The following PCSK2 variants were observed in gnomAD, a reference collection of about 807,000 sequenced individuals.
PCSK2 encodes proprotein convertase subtilisin/kexin type 2, also known as neuroendocrine convertase 2.
Under a neutral mutation model 69.7 loss-of-function variants are expected in PCSK2, and 14 were observed. The observed-to-expected ratio is 0.20, with a 90% CI of 0.13 to 0.31. The LOEUF (loss-of-function observed/expected upper bound fraction) is 0.31. Among genes scored for constraint, PCSK2 ranks in the 10% least tolerant of loss-of-function variants. The pLI is 1.00. For synonymous variants in PCSK2, 307 were observed against 320.7 expected (o/e 0.96, Z 0.46); for missense variants, 544 against 842.5 (o/e 0.65, Z 4.39).
chr20:17,329,935 A>G (rs1990167900), intron 2 of PCSK2, among the ~76,000 whole-genome samples: 1 of 152,232 alleles, frequency 6.6e-6, no homozygotes, highest in African/African-American at 2.4e-5. Context: ...TTTATAACAG[A>G]ACTGGCCAAT....
chr20:17,417,307 A>G (rs1462780283), intron 6 of PCSK2, among the ~76,000 whole-genome samples: 1 of 152,236 alleles, frequency 6.6e-6, no homozygotes, highest in Admixed American at 6.5e-5. Flanking sequence ...ATTAGTGCTT[A>G]GGGCAATAAA....
intron 6 of PCSK2, among the ~76,000 whole-genome samples, chr20:17,412,596 G>A (rs2031901152): frequency 2.0e-5 from 3 of 152,286 alleles, no homozygotes; most frequent in South Asian, 4.1e-4. Context: ...AACCAAGTTG[G>A]AAAACACTCT....
intron 2 of PCSK2, among the ~76,000 whole-genome samples, chr20:17,300,262 C>T (rs1295801576): frequency 6.6e-6 from 1 of 152,222 alleles, no homozygotes; most frequent in African/African-American, 2.4e-5. Context: ...GCCCTGTCCT[C>T]CCAACAGAGC....
chr20:17,258,007 T>C (rs1196924413), intron 1 of PCSK2, among the ~76,000 whole-genome samples: 2 of 152,096 alleles, frequency 1.3e-5, no homozygotes, highest in African/African-American at 2.4e-5. Context: ...CCCTGGGGAG[T>C]AGGACTTTTC....
chr20:17,331,665 C>G (rs542721398), intron 2 of PCSK2, among the ~76,000 whole-genome samples: 4 of 151,902 alleles, frequency 2.6e-5, no homozygotes, highest in Admixed American at 6.6e-5. Context: ...CTACTGTGAA[C>G]CACTCAGAAT....
At chr20:17,234,915 T>C (rs938307107) in intron 1 of PCSK2, among the ~76,000 whole-genome samples, 1 of 152,096 alleles carries the variant, frequency 6.6e-6, no homozygotes, top group African/African-American at 2.4e-5. Flanking sequence ...AATTTGTGAA[T>C]TATTATTTGA....
At chr20:17,412,607 T>G (rs1368405729) in intron 6 of PCSK2, among the ~76,000 whole-genome samples, 4 of 152,146 alleles carry the variant, frequency 2.6e-5, no homozygotes, top group South Asian at 2.1e-4. Flanking sequence ...AAAACACTCT[T>G]CAGGATATTA....
At chr20:17,435,404 A>C (rs1051056579) in intron 7 of PCSK2, among the ~76,000 whole-genome samples, 1 of 152,248 alleles carries the variant, frequency 6.6e-6, no homozygotes, top group African/African-American at 2.4e-5. Context: ...GTACACAAGA[A>C]GAGGGCTATG....
At chr20:17,430,126 A>T (rs2032333956) in intron 7 of PCSK2, among the ~76,000 whole-genome samples, 1 of 152,326 alleles carries the variant, frequency 6.6e-6, no homozygotes. Context: ...ATTGGGTAGG[A>T]TATTTAAGAA....
intron 2 of PCSK2, among the ~76,000 whole-genome samples, chr20:17,325,945 G>A (rs1341665150): frequency 1.3e-5 from 2 of 152,230 alleles, no homozygotes; most frequent in Admixed American, 1.3e-4. Context: ...TTTTTCTCAA[G>A]CCACCAGGGG....
In PCSK2 at chr20:17,413,864, C is replaced by T. The variant is rs549778819; in HGVS notation, c.620+4525C>T. Among the ~76,000 whole-genome samples, 15 of 152,316 alleles carry T rather than the reference C, an allele frequency of 9.8e-5. No homozygotes were observed. In the South Asian group the frequency reaches 1.7e-3, roughly 17 times the overall value. On this transcript the variant is annotated intron_variant, in intron 6 of 11. Transcript: ENST00000262545. ...ACCACAGTGCAATCAAATTAGAACTCAGGATTAAGAAACTCACTCAAAACC... is the reference window on the plus strand; with the variant it reads ...ACCACAGTGCAATCAAATTAGAACTTAGGATTAAGAAACTCACTCAAAACC...
intron 3 of PCSK2, among the ~76,000 whole-genome samples, chr20:17,359,677 T>C (rs926253221): frequency 2.0e-5 from 3 of 152,240 alleles, no homozygotes; most frequent in African/African-American, 7.2e-5. Flanking sequence ...AACATGTCTT[T>C]AGAAGAAAGA....
At chr20:17,257,129 C>T (rs1288161215) in intron 1 of PCSK2, among the ~76,000 whole-genome samples, 1 of 152,066 alleles carries the variant, frequency 6.6e-6, no homozygotes, top group East Asian at 1.9e-4. Flanking sequence ...ACAGACACTT[C>T]TCAAAGGAAG....
intron 2 of PCSK2, among the ~76,000 whole-genome samples, chr20:17,333,935 A>ATATATATATATATATATT (rs1555788994): frequency 7.3e-6 from 1 of 137,574 alleles, no homozygotes; most frequent in Non-Finnish European, 1.6e-5. Flanking sequence ...ATATATATAT[A>ATATATATATATATATATT]TGGCTTCAAA....
chr20:17,228,853 G>C (rs1484737321), intron 1 of PCSK2, among the ~76,000 whole-genome samples: 4 of 152,186 alleles, frequency 2.6e-5, no homozygotes, highest in African/African-American at 9.7e-5. Flanking sequence ...CTCTGGGTCC[G>C]CCGGTGGCGC....
chr20:17,479,246 A>G, intron 11 of PCSK2: 1 of 1,243,168 alleles, frequency 8.0e-7, no homozygotes, highest in South Asian at 1.2e-5. Context: ...CAATACATTT[A>G]TAAGCTTTTC....
chr20:17,320,625 G>C (rs1989835032), intron 2 of PCSK2, among the ~76,000 whole-genome samples: 1 of 152,224 alleles, frequency 6.6e-6, no homozygotes, highest in Admixed American at 6.5e-5. Flanking sequence ...TGGAGAACAT[G>C]ACTCAGTCAT....
chr20:17,457,455 G>A (rs972506987), intron 10 of PCSK2, among the ~76,000 whole-genome samples: 1 of 152,162 alleles, frequency 6.6e-6, no homozygotes, highest in Non-Finnish European at 1.5e-5. Flanking sequence ...ACCTTCACAA[G>A]AAAAGGCATA....
chr20:17,369,686 G>A (rs1352030032), intron 5 of PCSK2, among the ~76,000 whole-genome samples: 4 of 152,180 alleles, frequency 2.6e-5, no homozygotes, highest in African/African-American at 9.6e-5. Context: ...ATCTGAAAGA[G>A]CAGAGTGCCA....
Sources: allele counts gnomAD v4.1 joint callset (sites outside exome capture counted in the v4.1 genomes callset), GRCh38; gene constraint gnomAD v4.1.1; transcripts MANE v1.5; gene names NCBI Gene and HGNC (gene_info 2026-07-23, HGNC 2026-07-21).